The following CFAP46 variants were observed in gnomAD, a reference collection of about 807,000 sequenced individuals.
The protein encoded by CFAP46 is cilia and flagella associated protein 46.
A neutral mutation model predicts 325.7 loss-of-function variants in CFAP46; 245 were observed. The ratio of observed to expected loss-of-function variants is 0.75; its 90% CI spans 0.68 to 0.84. The LOEUF is 0.84. Ranked by LOEUF, CFAP46 falls within the 40% of genes least tolerant of loss-of-function variation. The probability of loss-of-function intolerance (pLI) is 0.00; values close to 1 mark genes in which losing one functional copy is unlikely to be tolerated. For synonymous variants in CFAP46, 1,523 were observed against 1,495.9 expected, an observed-to-expected ratio of 1.02 and a Z score of -0.42; for missense variants, 3,346 against 3,543.0, an observed-to-expected ratio of 0.94 and a Z score of 1.41.
At position 132,850,244 on chromosome 10, in the gene CFAP46, C is replaced by G. The variant is rs548689710; in HGVS notation, c.5952G>C (p.Ser1984=). The change falls in exon 41 of 58, where the codon TCG becomes TCC. Residue 1984 remains serine (S), a splice_region_variant and synonymous_variant. Coordinates refer to ENST00000368586, the MANE Select transcript of CFAP46 (RefSeq NM_001200049.3). The part of the protein sequence containing the change: ...HPTCYWEAGP[S]VGAKLSGLKS... ...TTGGGATAGAAGCAGGAGCACCTAC[C>G]GAGGGGCCCGCCTCCCAGTAGCAGG... is the stretch of plus-strand genomic sequence containing the variant. 1.3e-6 allele frequency: 2 copies of G among 1,550,556 alleles called. No homozygotes were observed. The highest frequency in any genetic ancestry group is 1.4e-5 in the African/African-American group (1 of 73,126).
chr10:132,814,970 C>T (rs571437941), intron 50 of CFAP46, 56 bp from the exon 51 acceptor site: 32 of 1,481,536 alleles, frequency 2.2e-5, no homozygotes, highest in South Asian at 1.0e-4. Flanking sequence ...GGCAGCCCTC[C>T]GGCCACACGG....
chr10:132,886,346 C>A lies in CFAP46; in HGVS notation c.3305-387G>T, dbSNP rs549477492. 2.1e-3 allele frequency among the ~76,000 whole-genome samples: 318 copies of A among 152,328 alleles called. 1 individual carries two copies. Among genetic ancestry groups the A allele is most frequent in the African/African-American group, 7.2e-3 (300 of 41,576 alleles). On this transcript the variant is annotated intron_variant, in intron 25 of 57. Transcript: ENST00000368586. The surrounding 1 kb of genome is among the most constrained non-coding windows in gnomAD (Gnocchi z 5.8). ...AGCTCCCCCGCGGCCGAGGACACAG[C>A]GCCACGTGCACGCTCGGGAGTCCTC...
Position 132,924,774 on chromosome 10 carries a change from G to A in CFAP46, c.1178C>T (p.Pro393Leu). The change falls in exon 11 of 58, where the codon CCC becomes CTC. Residue 393 changes from proline (P) to leucine (L), a missense_variant. Physicochemically the swap from Pro to Leu is moderately conservative, Grantham distance 98. Transcript: ENST00000368586. ...VCATQWNTCL[P>L]LLQHNLRHHL... ...GTGCCGCAGGTTGTGCTGCAGCAGG[G>A]GCAGGCAGGTGTTCCACTGCGTGGC... The A allele has an allele frequency of 2.0e-6, 3 of 1,532,934 alleles. No individual in the cohort carries two copies. Among genetic ancestry groups the A allele is most frequent in the Middle Eastern group, 1.7e-4 (1 of 5,792 alleles). The allele number at this position is 1,532,934 out of a possible 1,614,324, so 95.0% of individuals were successfully genotyped here. A position where few individuals can be genotyped will look rare whatever the true frequency, so the allele number is the denominator to read the frequency against.
intron 50 of CFAP46, among the ~76,000 whole-genome samples, chr10:132,820,882 G>T (rs1275834450): frequency 1.5e-5 from 2 of 136,928 alleles, no homozygotes; most frequent in Admixed American, 1.5e-4. Context: ...GCTGATGTGT[G>T]CTGTGTGTGT....
chr10:132,921,954 G>C, intron 13 of CFAP46, 150 bp downstream of exon 13: 1 of 1,041,006 alleles, frequency 9.6e-7, no homozygotes, highest in African/African-American at 1.6e-5. Context: ...GACCCGGCGG[G>C]CCGAGATCGA....
In CFAP46 at chr10:132,884,505, G is replaced by A. The variant is rs910321806; in HGVS notation, c.3627+598C>T. ...TTCATGCCTTTCACACCAGGGGCCT[G>A]GGATGCCTTTTCGTCCCCAAGATGA... On this transcript the variant is annotated intron_variant, in intron 27 of 57. Transcript: ENST00000368586. The surrounding 1 kb of genome is among the most constrained non-coding windows in gnomAD (Gnocchi z 5.4). Among the ~76,000 whole-genome samples the A allele has an allele frequency of 3.9e-5, 6 of 152,146 alleles. No individual in the cohort carries two copies. The highest frequency in any genetic ancestry group is 2.0e-4 in the Admixed American group (3 of 15,282).
chr10:132,935,644 C>A (rs1849987540), intron 7 of CFAP46, among the ~76,000 whole-genome samples: 1 of 141,642 alleles, frequency 7.1e-6, no homozygotes, highest in African/African-American at 2.8e-5. Flanking sequence ...GATCTCCTCA[C>A]TCCCCTCAGC....
rs901535674 is a variant in CFAP46, at chr10:132,909,205, C to T, written c.2689G>A (p.Val897Ile). ...EDVSSVTRVL[V>I]ALEMYSCNGL... is the part of the protein sequence containing the mutation. ...TTGCATGAGTACATTTCCAAGGCAA[C>T]GAGGACTCTGGTCACCGAGCTGACA... The change falls in exon 21 of 58, where the codon GTT (valine) becomes ATT (isoleucine). Residue 897 changes from valine to isoleucine, a missense_variant. By Grantham distance (29) the Val-to-Ile change is conservative (BLOSUM62 3). Coordinates refer to ENST00000368586, the MANE Select transcript of CFAP46 (RefSeq NM_001200049.3). 6 of 1,550,218 alleles carry T rather than the reference C, an allele frequency of 3.9e-6. No homozygotes were observed. Among genetic ancestry groups the T allele is most frequent in the South Asian group, 3.6e-5 (3 of 84,068 alleles).
chr10:132,850,014 C>T (rs1043525445), intron 41 of CFAP46, among the ~76,000 whole-genome samples: 3 of 152,218 alleles, frequency 2.0e-5, no homozygotes, highest in South Asian at 2.1e-4. Context: ...CCCAAGTGCC[C>T]GCCTGCCCTC....
At position 132,827,037 on chromosome 10, in the gene CFAP46, T is replaced by C. The variant is rs1848068839; in HGVS notation, c.7117+6321A>G. On this transcript the variant is annotated intron_variant, in intron 50 of 57. Transcript: ENST00000368586. This position sits in a 1 kb window ranked among gnomAD's most constrained non-coding sequence, Gnocchi z 5.7. ...TGGTGCACTTCACTATCAAAAACGG[T>C]TTCCGACACCTCCATGAGCCTCGTG... 6.6e-6 allele frequency among the ~76,000 whole-genome samples: 1 copy of C among 152,062 alleles called. No homozygotes were observed. The highest frequency in any genetic ancestry group is 1.5e-5 in the Non-Finnish European group (1 of 67,994).
chr10:132,924,857 G>A lies in CFAP46; in HGVS notation c.1095C>T (p.Asp365=), dbSNP rs114856245. The part of the protein sequence containing the change: ...EAQLDIIQRL[D]VALQRAVRLG... The stretch of plus-strand genomic sequence containing the variant: ...GGCGCACGGCTCGCTGCAGCGCGAC[G>A]TCTAGCCTCTGTATGATATCCAGCT... Residue 365 remains aspartate (D), a synonymous_variant, in exon 11 of 58, where the codon GAC becomes GAT. Transcript: ENST00000368586. 390 of 1,414,726 alleles carry A rather than the reference G, an allele frequency of 2.8e-4. 1 individual carries two copies. In the African/African-American group the frequency reaches 4.0e-3, roughly 15 times the overall value. The allele number at this position is 1,414,726 out of a possible 1,614,324, so 87.6% of individuals were successfully genotyped here.
chr10:132,912,615 CT>C (rs1849570015), intron 19 of CFAP46, 39 bp downstream of exon 19: 8 of 1,001,590 alleles, frequency 8.0e-6, no homozygotes, highest in Non-Finnish European at 6.6e-6. Context: ...CTCTCTCTCT[CT>C]CTCTCTCTCT....
At chr10:132,845,068 C>T (rs1458299346) in intron 44 of CFAP46, among the ~76,000 whole-genome samples, 1 of 152,222 alleles carries the variant, frequency 6.6e-6, no homozygotes, top group Non-Finnish European at 1.5e-5. Context: ...CAGGCGCCCC[C>T]AACGCCCAGC....
intron 45 of CFAP46, among the ~76,000 whole-genome samples, 156 bp from the exon 46 acceptor site, chr10:132,836,374 G>A (rs570358369): frequency 1.3e-5 from 2 of 152,132 alleles, no homozygotes; most frequent in East Asian, 2.0e-4. Flanking sequence ...CAGGGGCACC[G>A]CTGGGTGTGC....
intron 36 of CFAP46, 126 bp from the exon 37 acceptor site, chr10:132,860,649 T>C: frequency 8.3e-7 from 1 of 1,208,220 alleles, no homozygotes; most frequent in Non-Finnish European, 1.2e-6. Flanking sequence ...CGGGTGTGTC[T>C]GAGGGTGGGG....
intron 44 of CFAP46, among the ~76,000 whole-genome samples, chr10:132,837,509 A>G (rs1327642049): frequency 8.1e-6 from 1 of 123,308 alleles, no homozygotes; most frequent in Admixed American, 8.4e-5. Flanking sequence ...ACACAGACGC[A>G]CACAGACATG....
chr10:132,851,395 T>C, intron 39 of CFAP46, 90 bp from the exon 40 acceptor site: 2 of 1,277,334 alleles, frequency 1.6e-6, no homozygotes, highest in Non-Finnish European at 2.1e-6. Flanking sequence ...ATAACCGACG[T>C]AAGAAACTCA....
At chr10:132,856,062 C>A (rs1195219101) in intron 39 of CFAP46, among the ~76,000 whole-genome samples, 2 of 152,206 alleles carry the variant, frequency 1.3e-5, no homozygotes, top group Non-Finnish European at 2.9e-5. Context: ...GGAGAAACAT[C>A]TTTATCTCAC....
intron 39 of CFAP46, among the ~76,000 whole-genome samples, chr10:132,855,408 A>G (rs570121982): frequency 6.6e-6 from 1 of 152,132 alleles, no homozygotes; most frequent in East Asian, 1.9e-4. Context: ...TAACCTATTT[A>G]TGTCTTAATA....
Sources: gnomAD v4.1 joint callset for allele counts (sites outside exome capture counted in the v4.1 genomes callset) on GRCh38, gnomAD v4.1.1 for gene constraint, Gnocchi (gnomAD v3.1) non-coding constraint, MANE v1.5 for transcripts, NCBI Gene and HGNC (gene_info 2026-07-23, HGNC 2026-07-21) for gene names.